RAVER1: variants seen among roughly 807,000 people sequenced by gnomAD.
The protein encoded by RAVER1 is ribonucleoprotein PTB-binding 1.
A neutral mutation model predicts 68.4 loss-of-function variants in RAVER1; 36 were observed. That is an observed-to-expected ratio of 0.53 (90% confidence interval 0.40 to 0.70). The LOEUF (loss-of-function observed/expected upper bound fraction) is 0.70, where lower values mean the gene tolerates loss of function less well. Ranked by LOEUF, RAVER1 falls within the 30% of genes least tolerant of loss-of-function variation. The pLI is 0.00. For synonymous variants in RAVER1, 469 were observed against 472.7 expected (o/e 0.99, Z 0.10); for missense variants, 933 against 1,019.8 (o/e 0.91, Z 1.16).
At position 10,323,473 on chromosome 19, in the gene RAVER1, C is replaced by G. The variant is rs1172591434; in HGVS notation, c.850G>C (p.Gly284Arg). The change falls in exon 4 of 13, where the codon GGC (glycine) becomes CGC (arginine). Residue 284 changes from glycine (G) to arginine (R), a missense_variant. Physicochemically the swap from Gly to Arg is moderately radical, Grantham distance 125. Coordinates refer to ENST00000617231, the MANE Select transcript of RAVER1 (RefSeq NM_133452.3). This position sits in a 1 kb window ranked among gnomAD's most constrained non-coding sequence, Gnocchi z 6.2. ...AGGTGGCTGCCCCCCAGGGACAGGC[C>G]GTCCGCCTGCTGCTGTGCCTCCTCC... ...MAEEAQQQAD[G>R]LSLGGSHLRV... 6.2e-7 allele frequency: 1 copy of G among 1,609,662 alleles called. No homozygotes were observed. The highest frequency in any genetic ancestry group is 1.7e-5 in the Admixed American group (1 of 59,946).
chr19:10,320,673 G>A lies in RAVER1; in HGVS notation c.1752C>T (p.Tyr584=). Residue 584 remains tyrosine (Y), a synonymous_variant, in exon 9 of 13, where the codon TAC becomes TAT. Coordinates refer to ENST00000617231, the MANE Select transcript of RAVER1 (RefSeq NM_133452.3). ...LPPEPGLSDS[Y]SFDYPSDMGP... ...CACTCACCGAGGGGTAGTCGAAGCTGTAGCTGTCAGACAGTCCTGGTTCGG... is the reference window on the plus strand; with the variant it reads ...CACTCACCGAGGGGTAGTCGAAGCTATAGCTGTCAGACAGTCCTGGTTCGG... 1 of 1,555,962 alleles carries A rather than the reference G, an allele frequency of 6.4e-7. No homozygotes were observed.
At chr19:10,320,974 G>A (rs768734035) in intron 8 of RAVER1, 23 bp from the exon 9 acceptor site, 9 of 1,490,028 alleles carry the variant, frequency 6.0e-6, no homozygotes, top group African/African-American at 1.4e-5. Flanking sequence ...GGCAGGATTC[G>A]AGAGGGCCCC....
Position 10,328,160 on chromosome 19 carries a change from T to C in RAVER1, c.756+482A>G, listed in dbSNP as rs2040488360. Reference sequence around the variant, plus strand: ...GACCCCATGGGAGGTTTGACGAGGGTACCAGCGAATGAGGAGGTGAGTGGT... The same window carrying C: ...GACCCCATGGGAGGTTTGACGAGGGCACCAGCGAATGAGGAGGTGAGTGGT... On this transcript the variant is annotated intron_variant, in intron 3 of 12. Coordinates refer to ENST00000617231, the MANE Select transcript of RAVER1 (RefSeq NM_133452.3). The surrounding 1 kb of genome is among the most constrained non-coding windows in gnomAD (Gnocchi z 4.4). Among the ~76,000 whole-genome samples, 4 of 152,064 alleles carry C rather than the reference T, an allele frequency of 2.6e-5. No homozygotes were observed. Among genetic ancestry groups the C allele is most frequent in the African/African-American group, 9.7e-5 (4 of 41,410 alleles).
chr19:10,327,246 C>T (rs920066504), intron 3 of RAVER1, among the ~76,000 whole-genome samples: 6 of 151,954 alleles, frequency 3.9e-5, no homozygotes, highest in African/African-American at 1.5e-4. Flanking sequence ...GCTGGGGGTC[C>T]GAGCCCAGGA....
rs1312891607 is a variant in RAVER1, at chr19:10,322,141, G to C, written c.1173+504C>G. On this transcript the variant is annotated intron_variant, in intron 6 of 12. Coordinates refer to ENST00000617231, the MANE Select transcript of RAVER1 (RefSeq NM_133452.3). The surrounding 1 kb of genome is among the most constrained non-coding windows in gnomAD (Gnocchi z 4.3). The stretch of plus-strand genomic sequence containing the variant: ...TGTCTGTGTCTATGTGTGTGTCTTT[G>C]TCTTATGTCTTTGTGTGTCTATGTC... 6.0e-6 allele frequency: 1 copy of C among 166,852 alleles called. No homozygotes were observed. The highest frequency in any genetic ancestry group is 1.3e-5 in the Non-Finnish European group (1 of 78,444). The allele number at this position is 166,852 out of a possible 1,614,324, so 10.3% of individuals were successfully genotyped here.
At chr19:10,325,179 C>T (rs1383101289) in intron 3 of RAVER1, among the ~76,000 whole-genome samples, 1 of 152,222 alleles carries the variant, frequency 6.6e-6, no homozygotes, top group East Asian at 1.9e-4. Context: ...TACCACCACG[C>T]CTGGCTAATT....
chr19:10,331,846 T>C (rs1047865317), intron 1 of RAVER1, among the ~76,000 whole-genome samples: 7 of 152,086 alleles, frequency 4.6e-5, no homozygotes, highest in African/African-American at 1.7e-4. Flanking sequence ...AGTGAAGAGA[T>C]CTGCTGGAGG....
Position 10,316,264 on chromosome 19 carries a change from G to T in RAVER1, c.*1190C>A. The T allele has an allele frequency of 1.5e-6, 2 of 1,307,280 alleles. No individual in the cohort carries two copies. The highest frequency in any genetic ancestry group is 3.7e-5 in the South Asian group (2 of 54,146). 81.0% of individuals were successfully genotyped at this position (1,307,280 alleles called of 1,614,324 possible). On this transcript the variant is annotated 3_prime_UTR_variant, in exon 13 of 13. Coordinates refer to ENST00000617231, the MANE Select transcript of RAVER1 (RefSeq NM_133452.3). ...TTTAATTCAGCAAAGGTCCGTGTGG[G>T]GAGACTGGGGTGGGGTCGGGGGAAT...
intron 10 of RAVER1, 42 bp downstream of exon 10, chr19:10,319,124 T>C: frequency 6.3e-7 from 1 of 1,577,974 alleles, no homozygotes; most frequent in Non-Finnish European, 8.7e-7. Context: ...TGTCATGTAG[T>C]AAAAGCTGAT....
Position 10,321,147 on chromosome 19 carries a change from TG to T in RAVER1, c.1373del (p.Pro458GlnfsTer49). ...GDREALGLGP[P>X]AAQLTPPPAP... ...CGGGGGGAGGAGTGAGCTGGGCCGC[TG>T]GGGGACCCAAGCCCAGGGCCTCCCG... On this transcript the variant is annotated frameshift_variant, in exon 8 of 13. Coordinates refer to ENST00000617231, the MANE Select transcript of RAVER1 (RefSeq NM_133452.3). LOFTEE classifies it high-confidence loss of function. 3.9e-6 allele frequency: 5 copies of T among 1,286,108 alleles called. No homozygotes were observed. 79.7% of individuals were successfully genotyped at this position (1,286,108 alleles called of 1,614,324 possible).
intron 9 of RAVER1, among the ~76,000 whole-genome samples, chr19:10,319,600 T>A (rs1364495758): frequency 6.6e-6 from 1 of 151,388 alleles, no homozygotes; most frequent in African/African-American, 2.4e-5. Context: ...TTTTTTTTTT[T>A]AAACGGAGTT....
intron 3 of RAVER1, among the ~76,000 whole-genome samples, chr19:10,325,137 C>T (rs1160383106): frequency 6.6e-6 from 1 of 152,170 alleles, no homozygotes; most frequent in African/African-American, 2.4e-5. Flanking sequence ...TCTCCTGCCT[C>T]AGCTTCCCGA....
intron 9 of RAVER1, among the ~76,000 whole-genome samples, chr19:10,319,677 G>C (rs1201907305): frequency 6.6e-6 from 1 of 151,628 alleles, no homozygotes; most frequent in African/African-American, 2.4e-5. Flanking sequence ...CCGCCTCCCA[G>C]GTTCAAGTGA....
At chr19:10,325,178 G>A (rs755745676) in intron 3 of RAVER1, among the ~76,000 whole-genome samples, 8 of 151,904 alleles carry the variant, frequency 5.3e-5, no homozygotes, top group African/African-American at 1.9e-4. Flanking sequence ...CTACCACCAC[G>A]CCTGGCTAAT....
In RAVER1 at chr19:10,322,439, A is replaced by C. The variant is rs187849705; in HGVS notation, c.1173+206T>G. On this transcript the variant is annotated intron_variant, in intron 6 of 12. Transcript: ENST00000617231. The surrounding 1 kb of genome is among the most constrained non-coding windows in gnomAD (Gnocchi z 4.3). ...CCAGGGGCGCTCTCAGAATGGAGGG[A>C]AAGATGGCGAACCATCATGAGCAAT... 2.0e-3 allele frequency: 1,037 copies of C among 511,804 alleles called. 3 individuals are homozygous for C. The highest frequency in any genetic ancestry group is 3.1e-3 in the Non-Finnish European group (911 of 294,998). The allele number at this position is 511,804 out of a possible 1,614,324, so 31.7% of individuals were successfully genotyped here.
chr19:10,333,304 C>T lies in RAVER1; in HGVS notation c.204G>A (p.Gly68=), dbSNP rs75044914. ...RRKILIRGLP[G]DVTNQEVHDL... ...CCCCCAATACCTGGTTGGTCACGTC[C>T]CCCGGGAGGCCCCGGATCAGTATCT... is the stretch of plus-strand genomic sequence containing the variant. Residue 68 remains glycine (G), a synonymous_variant, in exon 1 of 13, where the codon GGG becomes GGA. Transcript: ENST00000617231. The surrounding 1 kb of genome is among the most constrained non-coding windows in gnomAD (Gnocchi z 4.2). The T allele has an allele frequency of 6.4e-4, 1,032 of 1,613,736 alleles. 15 individuals are homozygous for T. The East Asian group carries it at 0.022, about 34-fold the overall frequency.
chr19:10,320,576 G>A lies in RAVER1; in HGVS notation c.1770+79C>T, dbSNP rs115819354. 2.3e-3 allele frequency: 3,070 copies of A among 1,314,410 alleles called. 61 individuals carry two copies. In the African/African-American group the frequency reaches 0.042, roughly 18 times the overall value. 81.4% of individuals were successfully genotyped at this position (1,314,410 alleles called of 1,614,324 possible). On this transcript the variant is annotated intron_variant, in intron 9 of 12. Transcript: ENST00000617231. ...TGCCGCCTCCCTAGCACATGGCCTG[G>A]CATAGTCAATCCTAGAGAAATATCA... is the stretch of plus-strand genomic sequence containing the variant.
Position 10,328,689 on chromosome 19 carries a change from C to T in RAVER1, c.709G>A (p.Ala237Thr), listed in dbSNP as rs372282298. The change falls in exon 3 of 13, where the codon GCT becomes ACT. Residue 237 changes from alanine (A) to threonine (T), a missense_variant. By Grantham distance (58) the Ala-to-Thr change is moderately conservative. Coordinates refer to ENST00000617231, the MANE Select transcript of RAVER1 (RefSeq NM_133452.3). The surrounding 1 kb of genome is among the most constrained non-coding windows in gnomAD (Gnocchi z 4.4). ...ACAGCTGACAGCGCCCGGCACAGAG[C>T]GTCCACATCGTTGAAGCCAGGTGGC... ...RLPPGFNDVD[A>T]LCRALSAVHS... 133 of 1,598,542 alleles carry T rather than the reference C, an allele frequency of 8.3e-5. No individual in the cohort carries two copies. The highest frequency in any genetic ancestry group is 2.8e-4 in the Admixed American group (16 of 57,188).
intron 9 of RAVER1, among the ~76,000 whole-genome samples, chr19:10,320,174 G>A (rs943376966): frequency 6.6e-6 from 1 of 152,046 alleles, no homozygotes; most frequent in African/African-American, 2.4e-5. Context: ...CAGGTGGACC[G>A]GAAGCAGGGG....
Sources: allele counts gnomAD v4.1 joint callset (sites outside exome capture counted in the v4.1 genomes callset), GRCh38; gene constraint gnomAD v4.1.1; non-coding constraint Gnocchi (gnomAD v3.1); transcripts MANE v1.5; gene names NCBI Gene and HGNC (gene_info 2026-07-23, HGNC 2026-07-21).